The following CCNF variants were observed in gnomAD, a reference collection of about 807,000 sequenced individuals.
CCNF encodes the protein cyclin-F.
CCNF carries 30 observed loss-of-function variants against 85.4 expected under a neutral mutation model. That is an observed-to-expected ratio of 0.35 (90% CI 0.26 to 0.48). The LOEUF (loss-of-function observed/expected upper bound fraction) is 0.48, where lower values mean the gene tolerates loss of function less well. CCNF is among the 20% of genes least tolerant of loss of function. The probability of loss-of-function intolerance (pLI) is 0.99; values close to 1 mark genes in which losing one functional copy is unlikely to be tolerated. For synonymous variants in CCNF, 439 were observed against 425.1 expected (o/e 1.03, Z -0.40); for missense variants, 919 against 1,010.4 (o/e 0.91, Z 1.23).
In CCNF at chr16:2,437,339, G is replaced by A; in HGVS notation, c.540+17G>A. ...CTGCAGAGGGTGAGTCTGGGCGAGG[G>A]GCAGCACCTGCGAGGCCACCTGCAG... On this transcript the variant is annotated intron_variant, in intron 5 of 16. Coordinates refer to ENST00000397066, the MANE Select transcript of CCNF (RefSeq NM_001761.3). The A allele has an allele frequency of 1.3e-6, 2 of 1,557,166 alleles. No individual in the cohort carries two copies. The highest frequency in any genetic ancestry group is 4.6e-5 in the East Asian group (2 of 43,714).
chr16:2,446,866 C>T (rs967646517), intron 10 of CCNF, among the ~76,000 whole-genome samples: 5 of 152,224 alleles, frequency 3.3e-5, no homozygotes, highest in African/African-American at 1.2e-4. Flanking sequence ...TTGCACTGAG[C>T]TTAGTCTTGT....
In CCNF at chr16:2,445,617, C is replaced by T; in HGVS notation, c.1089C>T (p.Cys363=). 4 of 1,611,648 alleles carry T rather than the reference C, an allele frequency of 2.5e-6. No individual in the cohort carries two copies. The highest frequency in any genetic ancestry group is 1.7e-5 in the Admixed American group (1 of 59,996). ...QLLGIACMVI[C]TRFISKEILT... ...TGGGCATCGCCTGCATGGTCATCTGCACCCGGTGAGAAGCCCCCTTGGCCC... is the reference window on the plus strand; with the variant it reads ...TGGGCATCGCCTGCATGGTCATCTGTACCCGGTGAGAAGCCCCCTTGGCCC... Residue 363 remains cysteine, a synonymous_variant, in exon 10 of 17, where the codon TGC becomes TGT. Transcript: ENST00000397066.
Position 2,453,352 on chromosome 16 carries a change from G to T in CCNF, c.1587+43G>T. On this transcript the variant is annotated intron_variant, in intron 14 of 16. Transcript: ENST00000397066. The surrounding 1 kb of genome is among the most constrained non-coding windows in gnomAD (Gnocchi z 5.6). ...CCTGGGCGTCTCATGGGGTGCTGGG[G>T]TGTGGGCGGGCCTCACCCTCGGGGC... 2 of 1,613,780 alleles carry T rather than the reference G, an allele frequency of 1.2e-6. No homozygotes were observed. Among genetic ancestry groups the T allele is most frequent in the Non-Finnish European group, 1.7e-6 (2 of 1,179,950 alleles).
At chr16:2,443,924 C>CTTT (rs35258963) in intron 9 of CCNF, 124 bp downstream of exon 9, 404 of 569,868 alleles carry the variant, frequency 7.1e-4, no homozygotes, top group African/African-American at 1.9e-3. Context: ...CCTTATCACC[C>CTTT]TTTTTTTTTT....
At chr16:2,454,592 A>G (rs2065414806) in intron 15 of CCNF, among the ~76,000 whole-genome samples, 1 of 152,214 alleles carries the variant, frequency 6.6e-6, no homozygotes, top group African/African-American at 2.4e-5. Flanking sequence ...AGGAAGTGGA[A>G]AGGCTCAGCT....
chr16:2,448,240 G>C (rs745445848), intron 10 of CCNF, among the ~76,000 whole-genome samples: 2 of 152,200 alleles, frequency 1.3e-5, no homozygotes, highest in Non-Finnish European at 2.9e-5. Context: ...GAGCTGTCAC[G>C]TGACAGGCAA....
chr16:2,430,078 C>T (rs977943507), intron 1 of CCNF, among the ~76,000 whole-genome samples: 1 of 152,166 alleles, frequency 6.6e-6, no homozygotes, highest in Non-Finnish European at 1.5e-5. Flanking sequence ...TTTGAGAATT[C>T]GTCGCCCTGG....
intron 1 of CCNF, among the ~76,000 whole-genome samples, 180 bp downstream of exon 1, chr16:2,429,677 G>A (rs1475994021): frequency 6.6e-6 from 1 of 152,128 alleles, no homozygotes; most frequent in Non-Finnish European, 1.5e-5. Context: ...CGGGCGCGCG[G>A]TTTAAATGCC....
intron 7 of CCNF, 51 bp from the exon 8 acceptor site, chr16:2,439,698 G>GTTCCTCCCAAGACACAGTTGTACAAAGGC: frequency 6.7e-7 from 1 of 1,496,632 alleles, no homozygotes; most frequent in Non-Finnish European, 9.3e-7. Flanking sequence ...TTGGTTCTGA[G>GTTCCTCCCAAGACACAGTTGTACAAAGGC]TTCCTCCCAA....
In CCNF at chr16:2,439,071, G is replaced by A. The variant is rs576466187; in HGVS notation, c.595-282G>A. Among the ~76,000 whole-genome samples, 6 of 152,006 alleles carry A rather than the reference G, an allele frequency of 3.9e-5. No homozygotes were observed. The South Asian group carries it at 1.2e-3, about 32-fold the overall frequency. ...CCAGCACTTTGGGAGACTGAGGTGGGTGGATCACCTGAGGCCAGGATTTTG... is the reference window on the plus strand; with the variant it reads ...CCAGCACTTTGGGAGACTGAGGTGGATGGATCACCTGAGGCCAGGATTTTG... On this transcript the variant is annotated intron_variant, in intron 6 of 16. Transcript: ENST00000397066.
At chr16:2,437,457 C>G (rs2065297674) in intron 5 of CCNF, 135 bp downstream of exon 5, 21 of 642,744 alleles carry the variant, frequency 3.3e-5, no homozygotes, top group Non-Finnish European at 4.6e-5. Context: ...ACTGAGAGTG[C>G]AGATATGGGG....
At chr16:2,430,934 T>C in intron 1 of CCNF, 196 bp from the exon 2 acceptor site, 1 of 749,950 alleles carries the variant, frequency 1.3e-6, no homozygotes, top group Non-Finnish European at 2.4e-6. Flanking sequence ...TGATCTCTTC[T>C]GTAATTTGTG....
In CCNF at chr16:2,449,332, G is replaced by A. The variant is rs2065379975; in HGVS notation, c.1269G>A (p.Val423=). 7 of 1,613,770 alleles carry A rather than the reference G, an allele frequency of 4.3e-6. No individual in the cohort carries two copies. Among genetic ancestry groups the A allele is most frequent in the Non-Finnish European group, 5.1e-6 (6 of 1,179,984 alleles). The change falls in exon 12 of 17, where the codon GTG becomes GTA. Residue 423 remains valine (V), a synonymous_variant. Coordinates refer to ENST00000397066, the MANE Select transcript of CCNF (RefSeq NM_001761.3). ...YKEVLLTLVP[V]ELRTQHLCSF... Reference sequence around the variant, plus strand: ...AGGTCCTGCTGACGCTAGTCCCTGTGGAGCTGAGAACCCAGCACCTGTGCA... The same window carrying A: ...AGGTCCTGCTGACGCTAGTCCCTGTAGAGCTGAGAACCCAGCACCTGTGCA...
rs2065400592 is a variant in CCNF, at chr16:2,452,515, A to C, written c.1488-695A>C. On this transcript the variant is annotated intron_variant, in intron 13 of 16. Coordinates refer to ENST00000397066, the MANE Select transcript of CCNF (RefSeq NM_001761.3). The surrounding 1 kb of genome is among the most constrained non-coding windows in gnomAD (Gnocchi z 4.1). ...GCGTTTATTCTCTTCCTCCTGAAGA[A>C]GTTAATTTTTTTTCCAAACAAGATA... The C allele has an allele frequency of 6.6e-6, 1 of 152,352 alleles. No individual in the cohort carries two copies. The highest frequency in any genetic ancestry group is 1.9e-4 in the East Asian group (1 of 5,202). The allele number at this position is 152,352 out of a possible 1,614,324, so 9.4% of individuals were successfully genotyped here. A position where few individuals can be genotyped will look rare whatever the true frequency, so the allele number is the denominator to read the frequency against.
intron 5 of CCNF, chr16:2,437,592 T>C (rs1596917682): frequency 4.8e-6 from 2 of 415,676 alleles, no homozygotes; most frequent in Non-Finnish European, 8.7e-6. Flanking sequence ...CAGTGGGAGC[T>C]CAAGACACAA....
rs1431587668 is a variant in CCNF, at chr16:2,449,812, C to G, written c.1400-16C>G. 1 of 1,317,010 alleles carries G rather than the reference C, an allele frequency of 7.6e-7. No homozygotes were observed. The highest frequency in any genetic ancestry group is 1.1e-6 in the Non-Finnish European group (1 of 951,356). The allele number at this position is 1,317,010 out of a possible 1,614,324, so 81.6% of individuals were successfully genotyped here. ...CCCCTCCATCCCCTCCACCCCTGGC[C>G]TGCTTTCCTCCCCAGCACAGCCCTG... On this transcript the variant is annotated splice_polypyrimidine_tract_variant and intron_variant, in intron 12 of 16. Coordinates refer to ENST00000397066, the MANE Select transcript of CCNF (RefSeq NM_001761.3).
At chr16:2,430,028 C>G (rs959113068) in intron 1 of CCNF, among the ~76,000 whole-genome samples, 2 of 152,168 alleles carry the variant, frequency 1.3e-5, no homozygotes, top group African/African-American at 4.8e-5. Flanking sequence ...GTCCTGGAGC[C>G]GGAGAATGAG....
chr16:2,441,898 C>G (rs1232385262), intron 8 of CCNF, among the ~76,000 whole-genome samples: 1 of 133,490 alleles, frequency 7.5e-6, no homozygotes, highest in Non-Finnish European at 1.5e-5. Context: ...TAAGAGTGCA[C>G]TTTTAAATGA....
At chr16:2,435,699 ATATATT>A in intron 3 of CCNF, 101 bp from the exon 4 acceptor site, 1 of 471,108 alleles carries the variant, frequency 2.1e-6, no homozygotes, top group Non-Finnish European at 4.0e-6. Flanking sequence ...ATATATATAT[ATATATT>A]CAATTCAGGG....
Sources: allele counts gnomAD v4.1 joint callset (sites outside exome capture counted in the v4.1 genomes callset), GRCh38; gene constraint gnomAD v4.1.1; non-coding constraint Gnocchi (gnomAD v3.1); transcripts MANE v1.5; gene names NCBI Gene and HGNC (gene_info 2026-07-23, HGNC 2026-07-21).